Variants in CDC7 observed in about 807,000 individuals in gnomAD.
The protein encoded by CDC7 is cell division cycle 7, also known as cell division cycle 7-related protein kinase.
Under a neutral mutation model 53.5 loss-of-function variants are expected in CDC7, and 34 were observed. The ratio of observed to expected loss-of-function variants is 0.64; its 90% confidence interval spans 0.48 to 0.85. The LOEUF (loss-of-function observed/expected upper bound fraction) is 0.85, where lower values mean the gene tolerates loss of function less well. Ranked by LOEUF, CDC7 falls within the 40% of genes least tolerant of loss-of-function variation. CDC7 has a pLI of 0.00. For missense variants in CDC7, 594 were observed against 679.7 expected (o/e 0.87, Z 1.40); for synonymous variants, 211 against 222.8 (o/e 0.95, Z 0.47).
At chr1:91,505,565 G>A (rs754724894) in intron 2 of CDC7, among the ~76,000 whole-genome samples, 1 of 152,308 alleles carries the variant, frequency 6.6e-6, no homozygotes, top group Admixed American at 6.5e-5. Context: ...AGACCTTCAT[G>A]TATAAAATAG....
In CDC7 at chr1:91,524,502, C is replaced by G. The variant is rs1185902034; in HGVS notation, c.*67C>G. 1 of 1,250,324 alleles carries G rather than the reference C, an allele frequency of 8.0e-7. No individual in the cohort carries two copies. The highest frequency in any genetic ancestry group is 2.3e-5 in the East Asian group (1 of 43,154). The allele number at this position is 1,250,324 out of a possible 1,614,324, so 77.5% of individuals were successfully genotyped here. A position where few individuals can be genotyped will look rare whatever the true frequency, so the allele number is the denominator to read the frequency against. On this transcript the variant is annotated 3_prime_UTR_variant, in exon 12 of 12. Coordinates refer to ENST00000234626, the MANE Select transcript of CDC7 (RefSeq NM_003503.4). ...AAAAAAGAATACTTTGTAATAGCCA[C>G]AAGTTCTTGTTTAGAGACCAGAGCA...
chr1:91,524,425 T>G lies in CDC7; in HGVS notation c.1715T>G (p.Met572Arg), dbSNP rs142401032. 9 of 1,602,878 alleles carry G rather than the reference T, an allele frequency of 5.6e-6. No homozygotes were observed. Among genetic ancestry groups the G allele is most frequent in the African/African-American group, 2.7e-5 (2 of 74,574 alleles). ...TTGTTGCATCCATTTTTTAAAGATA[T>G]GAGCTTGTGATAATGGATCTTCATT... ...EALLHPFFKD[M>R]SL Residue 572 changes from methionine (M) to arginine (R), a missense_variant, in exon 12 of 12, where the codon ATG becomes AGG. Physicochemically the swap from Met to Arg is moderately conservative, Grantham distance 91. Coordinates refer to ENST00000234626, the MANE Select transcript of CDC7 (RefSeq NM_003503.4).
At chr1:91,520,895 C>T (rs553195203) in intron 11 of CDC7, among the ~76,000 whole-genome samples, 188 of 152,286 alleles carry the variant, frequency 1.2e-3, no homozygotes, top group Middle Eastern at 3.4e-3. Flanking sequence ...TCCTTAGCCA[C>T]GCAAGTTCTT....
Position 91,513,217 on chromosome 1 carries a change from G to A in CDC7, c.732G>A (p.Lys244=), listed in dbSNP as rs1667371494. 6.2e-7 allele frequency: 1 copy of A among 1,613,540 alleles called. No individual in the cohort carries two copies. Among genetic ancestry groups the A allele is most frequent in the Admixed American group, 1.7e-5 (1 of 59,936 alleles). The part of the protein sequence containing the change: ...NKIPLSGPVP[K]ELDQQSTTKA... Reference sequence around the variant, plus strand: ...TTCCACTGAGTGGCCCAGTACCTAAGGAGCTGGATCAGCAGTCCACCACAA... The same window carrying A: ...TTCCACTGAGTGGCCCAGTACCTAAAGAGCTGGATCAGCAGTCCACCACAA... The change falls in exon 7 of 12, where the codon AAG becomes AAA. Residue 244 remains lysine (K), a synonymous_variant. Coordinates refer to ENST00000234626, the MANE Select transcript of CDC7 (RefSeq NM_003503.4).
Position 91,524,520 on chromosome 1 carries a change from C to A in CDC7, c.*85C>A. ...ATAGCCACAAGTTCTTGTTTAGAGA[C>A]CAGAGCAGGATTAATAATTTATTTT... On this transcript the variant is annotated 3_prime_UTR_variant, in exon 12 of 12. Transcript: ENST00000234626. 1.0e-6 allele frequency: 1 copy of A among 999,272 alleles called. No individual in the cohort carries two copies. Among genetic ancestry groups the A allele is most frequent in the Non-Finnish European group, 1.5e-6 (1 of 677,396 alleles). 61.9% of individuals were successfully genotyped at this position (999,272 alleles called of 1,614,324 possible). A position where few individuals can be genotyped will look rare whatever the true frequency, so the allele number is the denominator to read the frequency against.
rs552223382 is a variant in CDC7, at chr1:91,516,082, G to C, written c.1180+206G>C. On this transcript the variant is annotated intron_variant, in intron 10 of 11. Coordinates refer to ENST00000234626, the MANE Select transcript of CDC7 (RefSeq NM_003503.4). The stretch of plus-strand genomic sequence containing the variant: ...ATCCTAATGTTGCCTCTCTTTTTTT[G>C]TTTAAACAGTTTATTCCATAGATTA... Among the ~76,000 whole-genome samples, 3 of 151,204 alleles carry C rather than the reference G, an allele frequency of 2.0e-5. No individual in the cohort carries two copies. The East Asian group carries it at 5.8e-4, about 29-fold the overall frequency.
chr1:91,512,238 TATAAC>T (rs1180319373), intron 6 of CDC7, among the ~76,000 whole-genome samples: 1 of 152,122 alleles, frequency 6.6e-6, no homozygotes, highest in Non-Finnish European at 1.5e-5. Context: ...TTAGATATAA[TATAAC>T]ATACTGCAAT....
intron 2 of CDC7, among the ~76,000 whole-genome samples, chr1:91,502,288 G>A (rs1666730370): frequency 1.3e-5 from 2 of 152,262 alleles, no homozygotes; most frequent in Non-Finnish European, 2.9e-5. Context: ...TTCTTTGACC[G>A]TAAACCAGAC....
At chr1:91,511,138 C>T (rs1301591955) in intron 4 of CDC7, among the ~76,000 whole-genome samples, 1 of 152,098 alleles carries the variant, frequency 6.6e-6, no homozygotes, top group African/African-American at 2.4e-5. Context: ...TACTCAGGCT[C>T]AAAATCATAG....
chr1:91,513,108 T>C lies in CDC7; in HGVS notation c.623T>C (p.Ile208Thr), dbSNP rs1404808839. ...GCCCAAGGAACCCATGATACGAAAA[T>C]AGAGCTTCTTAAATTTGTCCAGTCT... ...GLAQGTHDTK[I>T]ELLKFVQSEA... The change falls in exon 7 of 12, where the codon ATA becomes ACA. Residue 208 changes from isoleucine to threonine, a missense_variant. Transcript: ENST00000234626. 1.2e-6 allele frequency: 2 copies of C among 1,613,520 alleles called. No individual in the cohort carries two copies. The highest frequency in any genetic ancestry group is 2.2e-5 in the South Asian group (2 of 91,062).
chr1:91,507,286 C>G (rs530728067), intron 2 of CDC7, among the ~76,000 whole-genome samples: 1 of 152,242 alleles, frequency 6.6e-6, no homozygotes, highest in African/African-American at 2.4e-5. Context: ...TTATAAAGAA[C>G]TGATACTTAT....
At chr1:91,506,253 G>T (rs1011274114) in intron 2 of CDC7, among the ~76,000 whole-genome samples, 1 of 152,046 alleles carries the variant, frequency 6.6e-6, no homozygotes, top group Non-Finnish European at 1.5e-5. Flanking sequence ...TCTTGCCTTG[G>T]TCTCCTAAAG....
chr1:91,512,002 G>C (rs1199035067), intron 6 of CDC7, 79 bp downstream of exon 6: 1 of 1,052,302 alleles, frequency 9.5e-7, no homozygotes, highest in African/African-American at 1.6e-5. Flanking sequence ...TTAAGGTATT[G>C]AACATGATGT....
At position 91,524,098 on chromosome 1, in the gene CDC7, A is replaced by G. The variant is rs778396481; in HGVS notation, c.1388A>G (p.Glu463Gly). 6 of 1,613,664 alleles carry G rather than the reference A, an allele frequency of 3.7e-6. No homozygotes were observed. The highest frequency in any genetic ancestry group is 5.1e-6 in the Non-Finnish European group (6 of 1,179,716). The change falls in exon 12 of 12, where the codon GAG becomes GGG. Residue 463 changes from glutamate (E) to glycine (G), a missense_variant. Physicochemically the swap from Glu to Gly is moderately conservative, Grantham distance 98. Transcript: ENST00000234626. ...GCACAAGACTTGAGAAAACTCTGTG[A>G]GAGACTCAGGGGTATGGATTCTAGC... ...VPAQDLRKLC[E>G]RLRGMDSSTP... is the part of the protein sequence containing the mutation.
At chr1:91,519,065 A>G (rs1342175225) in intron 10 of CDC7, among the ~76,000 whole-genome samples, 2 of 151,096 alleles carry the variant, frequency 1.3e-5, no homozygotes, top group Non-Finnish European at 3.0e-5. Flanking sequence ...CATCTCGAAA[A>G]AAAAAAAAAA....
At position 91,512,190 on chromosome 1, in the gene CDC7, T is replaced by A. The variant is rs527262629; in HGVS notation, c.572+267T>A. On this transcript the variant is annotated intron_variant, in intron 6 of 11. Transcript: ENST00000234626. ...GCATTAGGTCTAGATTTATTTATCC[T>A]ACATATCTGCTACTTTGTATCCTCT... Among the ~76,000 whole-genome samples, 114 of 152,244 alleles carry A rather than the reference T, an allele frequency of 7.5e-4. 1 individual carries two copies. Among genetic ancestry groups the A allele is most frequent in the Middle Eastern group, 3.4e-3 (1 of 294 alleles).
In CDC7 at chr1:91,500,927, A is replaced by T. The variant is rs548435419; in HGVS notation, c.-85A>T. 1 of 152,388 alleles carries T rather than the reference A, an allele frequency of 6.6e-6. No individual in the cohort carries two copies. Among genetic ancestry groups the T allele is most frequent in the South Asian group, 2.1e-4 (1 of 4,832 alleles). 9.4% of individuals were successfully genotyped at this position (152,388 alleles called of 1,614,324 possible). A position where few individuals can be genotyped will look rare whatever the true frequency, so the allele number is the denominator to read the frequency against. ...GCGACCCAGGCATCTGGGGAGCCAC[A>T]GAAGTCGTACTCCCTTAAACCGTGA... On this transcript the variant is annotated 5_prime_UTR_variant, in exon 1 of 12. Transcript: ENST00000234626.
intron 10 of CDC7, among the ~76,000 whole-genome samples, chr1:91,517,143 A>G (rs1667602059): frequency 6.6e-6 from 1 of 152,200 alleles, no homozygotes; most frequent in African/African-American, 2.4e-5. Context: ...TGAGGTAGAC[A>G]AGGTCAGACC....
In CDC7 at chr1:91,508,316, A is replaced by T. The variant is rs1571318089; in HGVS notation, c.254A>T (p.Glu85Val). 6.2e-7 allele frequency: 1 copy of T among 1,612,434 alleles called. No individual in the cohort carries two copies. Among genetic ancestry groups the T allele is most frequent in the Non-Finnish European group, 8.5e-7 (1 of 1,178,900 alleles). ...GCACAGTTACAAGTAGGACCTGAAG[A>T]GAAAATTGCTCTAAAACACTTGATT... ...ATAQLQVGPE[E>V]KIALKHLIPT... The change falls in exon 4 of 12, where the codon GAG (glutamate) becomes GTG (valine). Residue 85 changes from glutamate (E) to valine (V), a missense_variant. Physicochemically the swap from Glu to Val is moderately radical, Grantham distance 121. Transcript: ENST00000234626.
Sources: gnomAD v4.1 joint callset for allele counts (sites outside exome capture counted in the v4.1 genomes callset) on GRCh38, gnomAD v4.1.1 for gene constraint, MANE v1.5 for transcripts, NCBI Gene and HGNC (gene_info 2026-07-23, HGNC 2026-07-21) for gene names.